The following BOLL variants were observed in gnomAD, a reference collection of about 807,000 sequenced individuals.
BOLL encodes protein boule-like.
Under a neutral mutation model 44.4 loss-of-function variants are expected in BOLL, and 23 were observed. The ratio of observed to expected loss-of-function variants is 0.52; its 90% CI spans 0.37 to 0.73. BOLL has a LOEUF of 0.73. Among genes scored for constraint, BOLL ranks in the 30% least tolerant of loss-of-function variants. BOLL has a pLI of 0.00. For missense variants in BOLL, 287 were observed against 338.3 expected (o/e 0.85, Z 1.19); for synonymous variants, 97 against 110.8 (o/e 0.88, Z 0.78).
chr2:197,785,267 A>G lies in BOLL; in HGVS notation c.-227T>C. ...TTTGCCCCACAAATCCGCCAGCAGC[A>G]GTGGCGGGAAGCCTCAACGGCAGCG... On this transcript the variant is annotated 5_prime_UTR_variant, in exon 1 of 11. Coordinates refer to ENST00000392296, the MANE Select transcript of BOLL (RefSeq NM_033030.6). This position sits in a 1 kb window ranked among gnomAD's most constrained non-coding sequence, Gnocchi z 6.7. 5 of 985,354 alleles carry G rather than the reference A, an allele frequency of 5.1e-6. No individual in the cohort carries two copies. The highest frequency in any genetic ancestry group is 6.0e-6 in the Non-Finnish European group (5 of 829,736). 61.0% of individuals were successfully genotyped at this position (985,354 alleles called of 1,614,324 possible).
At position 197,769,368 on chromosome 2, in the gene BOLL, C is replaced by A. The variant is rs199989423; in HGVS notation, c.480+2487G>T. 1.2e-4 allele frequency among the ~76,000 whole-genome samples: 19 copies of A among 152,222 alleles called. No homozygotes were observed. In the East Asian group the frequency reaches 1.9e-3, roughly 15 times the overall value. ...GTTATTGGCCTATTCAGAGATTCAA[C>A]TTCTTCCTGGTTTAGTCTTGGGAGG... is the stretch of plus-strand genomic sequence containing the variant. On this transcript the variant is annotated intron_variant, in intron 6 of 10. Coordinates refer to ENST00000392296, the MANE Select transcript of BOLL (RefSeq NM_033030.6).
At chr2:197,784,391 C>CATACATATATATAT (rs1305139578) in intron 1 of BOLL, among the ~76,000 whole-genome samples, 6 of 55,000 alleles carry the variant, frequency 1.1e-4, no homozygotes, top group African/African-American at 5.1e-4. Context: ...CAGTCTAATA[C>CATACATATATATAT]ATATATATAT....
At chr2:197,740,718 AG>A (rs1196241390) in intron 10 of BOLL, among the ~76,000 whole-genome samples, 28 of 152,312 alleles carry the variant, frequency 1.8e-4, no homozygotes, top group African/African-American at 5.8e-4. Context: ...AGAGGTTACC[AG>A]GGACTAGGGG....
chr2:197,766,909 G>A (rs1259154896), intron 6 of BOLL, among the ~76,000 whole-genome samples: 1 of 151,882 alleles, frequency 6.6e-6, no homozygotes, highest in Non-Finnish European at 1.5e-5. Context: ...ATACTTAGAG[G>A]AAAATGACAG....
Position 197,728,242 on chromosome 2 carries a change from C to G in BOLL, c.*313G>C. The G allele has an allele frequency of 4.8e-6, 2 of 415,870 alleles. No individual in the cohort carries two copies. Among genetic ancestry groups the G allele is most frequent in the Non-Finnish European group, 8.5e-6 (2 of 236,118 alleles). 25.8% of individuals were successfully genotyped at this position (415,870 alleles called of 1,614,324 possible). ...CACAAAGCAGAGAAAATAAAAGACA[C>G]CTCACTATTCCCAATGTGGTTATTA... On this transcript the variant is annotated 3_prime_UTR_variant, in exon 11 of 11. Coordinates refer to ENST00000392296, the MANE Select transcript of BOLL (RefSeq NM_033030.6).
chr2:197,761,185 C>T (rs1173621898), intron 7 of BOLL, among the ~76,000 whole-genome samples: 1 of 152,058 alleles, frequency 6.6e-6, no homozygotes, highest in Non-Finnish European at 1.5e-5. Context: ...GGGCACATGC[C>T]TGTAGTCTCA....
chr2:197,736,227 C>G (rs967852309), intron 10 of BOLL, among the ~76,000 whole-genome samples: 3 of 152,030 alleles, frequency 2.0e-5, no homozygotes, highest in Non-Finnish European at 2.9e-5. Context: ...TACCCTTTAT[C>G]TAATTAAGAG....
At chr2:197,737,236 G>A (rs573078426) in intron 10 of BOLL, among the ~76,000 whole-genome samples, 2 of 152,016 alleles carry the variant, frequency 1.3e-5, no homozygotes, top group South Asian at 4.2e-4. Context: ...CTTCAATGTA[G>A]TGCCATATTC....
At chr2:197,751,575 C>G (rs1364492405) in intron 9 of BOLL, among the ~76,000 whole-genome samples, 1 of 152,098 alleles carries the variant, frequency 6.6e-6, no homozygotes, top group Admixed American at 6.5e-5. Flanking sequence ...GACATATACA[C>G]CCTCCCAATA....
intron 6 of BOLL, among the ~76,000 whole-genome samples, chr2:197,768,150 T>C (rs1044672966): frequency 6.6e-6 from 1 of 152,050 alleles, no homozygotes; most frequent in Non-Finnish European, 1.5e-5. Context: ...GCAACAAAAC[T>C]ATAGTCTACT....
Position 197,741,378 on chromosome 2 carries a change from T to G in BOLL, c.828+1683A>C, listed in dbSNP as rs1415102571. Among the ~76,000 whole-genome samples the G allele has an allele frequency of 1.3e-5, 2 of 152,154 alleles. 1 individual carries two copies. The highest frequency in any genetic ancestry group is 2.9e-5 in the Non-Finnish European group (2 of 68,010). On this transcript the variant is annotated intron_variant, in intron 10 of 10. Transcript: ENST00000392296. ...GTTGCTTATCAGCTTAAGGAGATTT[T>G]GGGCTGAGACAATGGGGTTTTCTAG...
At chr2:197,742,119 A>G (rs1260010802) in intron 10 of BOLL, among the ~76,000 whole-genome samples, 2 of 152,236 alleles carry the variant, frequency 1.3e-5, no homozygotes, top group African/African-American at 4.8e-5. Context: ...ATGAGATACC[A>G]TCTTACACCA....
upstream of BOLL, chr2:197,785,403 T>A (rs1574878319): frequency 7.1e-6 from 7 of 984,746 alleles, no homozygotes; most frequent in South Asian, 2.8e-4. This position sits in a 1 kb window ranked among gnomAD's most constrained non-coding sequence, Gnocchi z 6.7. Context: ...CCGCTGCGCC[T>A]CGGGCCTGTG....
chr2:197,785,112 T>C lies in BOLL; in HGVS notation c.-72A>G. 1 of 985,918 alleles carries C rather than the reference T, an allele frequency of 1.0e-6. No homozygotes were observed. Among genetic ancestry groups the C allele is most frequent in the Non-Finnish European group, 1.2e-6 (1 of 829,924 alleles). 61.1% of individuals were successfully genotyped at this position (985,918 alleles called of 1,614,324 possible). A position where few individuals can be genotyped will look rare whatever the true frequency, so the allele number is the denominator to read the frequency against. ...CTCCAAGGCCAGCAAGTTGCGGCAC[T>C]GGGGGAAATGGCCGCGGCGACAACT... On this transcript the variant is annotated 5_prime_UTR_variant, in exon 1 of 11. Coordinates refer to ENST00000392296, the MANE Select transcript of BOLL (RefSeq NM_033030.6). The surrounding 1 kb of genome is among the most constrained non-coding windows in gnomAD (Gnocchi z 6.7).
intron 10 of BOLL, among the ~76,000 whole-genome samples, chr2:197,730,182 C>T (rs1212342138): frequency 7.5e-6 from 1 of 132,958 alleles, no homozygotes; most frequent in African/African-American, 3.0e-5. Flanking sequence ...GCCTCAGGAG[C>T]CAATGCGATC....
chr2:197,772,090 A>G (rs1202012249), intron 5 of BOLL, 108 bp from the exon 6 acceptor site: 2 of 886,814 alleles, frequency 2.3e-6, no homozygotes, highest in African/African-American at 3.5e-5. Flanking sequence ...CTATGTAGCT[A>G]TGGTAAAAAT....
At chr2:197,737,066 AC>A (rs1687524971) in intron 10 of BOLL, among the ~76,000 whole-genome samples, 1 of 152,070 alleles carries the variant, frequency 6.6e-6, no homozygotes, top group Non-Finnish European at 1.5e-5. Context: ...ATTTTCTTAC[AC>A]TAGCCAGCAA....
chr2:197,781,728 A>G lies in BOLL; in HGVS notation c.123T>C (p.Asp41=). 6.4e-7 allele frequency: 1 copy of G among 1,551,166 alleles called. No individual in the cohort carries two copies. Among genetic ancestry groups the G allele is most frequent in the Non-Finnish European group, 8.8e-7 (1 of 1,139,734 alleles). ...IPNRIFVGGI[D]FKTNESDLRK... Reference sequence around the variant, plus strand: ...TGCATGCATAAATAGGTACCTTAAAATCAATTCCTCCTACAAAGATGCGAT... The same window carrying G: ...TGCATGCATAAATAGGTACCTTAAAGTCAATTCCTCCTACAAAGATGCGAT... The change falls in exon 2 of 11, where the codon GAT becomes GAC. Residue 41 remains aspartate, a synonymous_variant. Coordinates refer to ENST00000392296, the MANE Select transcript of BOLL (RefSeq NM_033030.6).
At chr2:197,746,408 A>G (rs926060114) in intron 9 of BOLL, among the ~76,000 whole-genome samples, 11 of 152,236 alleles carry the variant, frequency 7.2e-5, no homozygotes, top group African/African-American at 2.7e-4. Flanking sequence ...GTGTCCATCA[A>G]TCAGTGAATG....
Sources: gnomAD v4.1 joint callset for allele counts (sites outside exome capture counted in the v4.1 genomes callset) on GRCh38, gnomAD v4.1.1 for gene constraint, Gnocchi (gnomAD v3.1) non-coding constraint, MANE v1.5 for transcripts, NCBI Gene and HGNC (gene_info 2026-07-23, HGNC 2026-07-21) for gene names.